The following KIAA2012 variants were observed in gnomAD, a reference collection of about 807,000 sequenced individuals.
KIAA2012 encodes KIAA2012, also known as uncharacterized protein KIAA2012.
In KIAA2012, 125 loss-of-function variants were observed where a neutral mutation model predicts 150.6. That is an observed-to-expected ratio of 0.83 (90% confidence interval 0.72 to 0.96). The LOEUF (loss-of-function observed/expected upper bound fraction) is 0.96, where lower values mean the gene tolerates loss of function less well. Ranked by LOEUF, KIAA2012 falls within the 40% of genes least tolerant of loss-of-function variation. The probability of loss-of-function intolerance (pLI) is 0.00; values close to 1 mark genes in which losing one functional copy is unlikely to be tolerated. For synonymous variants in KIAA2012, 462 were observed against 504.7 expected (o/e 0.92, Z 1.13); for missense variants, 1,219 against 1,354.9 (o/e 0.90, Z 1.57).
intron 2 of KIAA2012, among the ~76,000 whole-genome samples, chr2:202,081,098 C>G (rs1468776125): frequency 1.3e-5 from 2 of 152,190 alleles, no homozygotes; most frequent in African/African-American, 4.8e-5. Context: ...ACAGTTGTAT[C>G]CTTTGCGGCT....
intron 14 of KIAA2012, among the ~76,000 whole-genome samples, chr2:202,162,315 T>C (rs188282159): frequency 2.4e-3 from 372 of 152,190 alleles, no homozygotes; most frequent in African/African-American, 8.4e-3. Context: ...CACTCTGTCA[T>C]CCAGGCTGGA....
At chr2:202,101,890 T>C (rs535783204) in intron 7 of KIAA2012, among the ~76,000 whole-genome samples, 1 of 152,344 alleles carries the variant, frequency 6.6e-6, no homozygotes, top group South Asian at 2.1e-4. Context: ...AGGTTGCTTA[T>C]GTATGCTTCT....
chr2:202,196,492 G>A (rs1692418156), intron 21 of KIAA2012, among the ~76,000 whole-genome samples: 1 of 151,928 alleles, frequency 6.6e-6, no homozygotes, highest in Admixed American at 6.6e-5. Flanking sequence ...ACCACGCCCG[G>A]CCAGGAAGCA....
At chr2:202,184,090 T>C (rs1365725194) in intron 15 of KIAA2012, among the ~76,000 whole-genome samples, 1 of 152,138 alleles carries the variant, frequency 6.6e-6, no homozygotes, top group Non-Finnish European at 1.5e-5. Flanking sequence ...TTTTTCATGA[T>C]TAATAGTAAT....
In KIAA2012 at chr2:202,201,923, C is replaced by T. The variant is rs1054524801; in HGVS notation, c.3408-506C>T. On this transcript the variant is annotated intron_variant, in intron 22 of 23. Coordinates refer to ENST00000498697, the MANE Select transcript of KIAA2012 (RefSeq NM_001277372.4). ...GTCCGGTTCGTCTCGGCATCAGGGA[C>T]GGTTATCTTTTCCGTCCTCTTCCTG... The T allele has an allele frequency of 3.7e-5, 31 of 841,652 alleles. No individual in the cohort carries two copies. In the East Asian group the frequency reaches 5.9e-4, roughly 16 times the overall value. 52.1% of individuals were successfully genotyped at this position (841,652 alleles called of 1,614,324 possible).
chr2:202,204,363 C>T (rs533759592), intron 23 of KIAA2012, among the ~76,000 whole-genome samples: 9 of 152,262 alleles, frequency 5.9e-5, no homozygotes, highest in East Asian at 3.9e-4. Context: ...AGGCATGAGC[C>T]GCTGTGCCTG....
chr2:202,090,632 G>A (rs371549819), intron 2 of KIAA2012, 138 bp from the exon 3 acceptor site: 9 of 921,748 alleles, frequency 9.8e-6, no homozygotes, highest in South Asian at 2.7e-5. Flanking sequence ...TCTATTAGCC[G>A]AGGCATCTGT....
chr2:202,177,298 A>G (rs1018927193), intron 15 of KIAA2012, among the ~76,000 whole-genome samples: 2 of 152,220 alleles, frequency 1.3e-5, no homozygotes, highest in African/African-American at 4.8e-5. Flanking sequence ...ATATAAAAAT[A>G]TATATGAGGA....
intron 15 of KIAA2012, among the ~76,000 whole-genome samples, chr2:202,175,944 T>C (rs10166356): frequency 6.6e-6 from 1 of 152,014 alleles, no homozygotes; most frequent in Admixed American, 6.5e-5. Context: ...GGAAACTTGA[T>C]ATATGGCAAT....
chr2:202,123,601 C>T (rs1575024272), intron 11 of KIAA2012, among the ~76,000 whole-genome samples: 1 of 152,110 alleles, frequency 6.6e-6, no homozygotes, highest in Non-Finnish European at 1.5e-5. Flanking sequence ...CAAGCCCCAC[C>T]GCAGTTTAGC....
At chr2:202,167,685 T>A (rs1368817004) in intron 15 of KIAA2012, among the ~76,000 whole-genome samples, 1 of 151,708 alleles carries the variant, frequency 6.6e-6, no homozygotes, top group East Asian at 1.9e-4. Context: ...CTCTAAAAAT[T>A]TTTTTTTAAT....
intron 8 of KIAA2012, 145 bp downstream of exon 8, chr2:202,103,259 T>C: frequency 3.7e-6 from 3 of 814,946 alleles, no homozygotes; most frequent in Non-Finnish European, 5.7e-6. Context: ...AAGGATAAAA[T>C]CTAGAAGAAG....
chr2:202,125,935 CTTTTTTTTT>C (rs571686717), intron 12 of KIAA2012: 3,132 of 136,660 alleles, frequency 0.023, 22 homozygotes, highest in Middle Eastern at 0.038. Flanking sequence ...TTCCTGGCTG[CTTTTTTTTT>C]TTTTTTTTTT....
chr2:202,075,065 G>T lies in KIAA2012; in HGVS notation c.259G>T (p.Glu87Ter). 2 of 1,550,566 alleles carry T rather than the reference G, an allele frequency of 1.3e-6. No individual in the cohort carries two copies. Among genetic ancestry groups the T allele is most frequent in the Non-Finnish European group, 1.7e-6 (2 of 1,146,974 alleles). ...TGCCATTTCGGCATGGACACCCAAAGAGAGGAGAAAAGGCCCCTACTGCCC... is the reference window on the plus strand; with the variant it reads ...TGCCATTTCGGCATGGACACCCAAATAGAGGAGAAAAGGCCCCTACTGCCC... ...GFAISAWTPK[E>*]RRKGPYCPRG... Residue 87 changes from glutamate to a stop codon, truncating the protein, a stop_gained, in exon 2 of 24, where the codon GAG (glutamate) becomes TAG (stop). Transcript: ENST00000498697. LOFTEE classifies it high-confidence loss of function.
chr2:202,112,482 G>A (rs1336284599), intron 10 of KIAA2012, among the ~76,000 whole-genome samples: 2 of 152,226 alleles, frequency 1.3e-5, no homozygotes, highest in Non-Finnish European at 2.9e-5. Flanking sequence ...TTGAACCCAA[G>A]GAGAGGGAGG....
At chr2:202,081,521 C>T (rs1333120385) in intron 2 of KIAA2012, among the ~76,000 whole-genome samples, 1 of 149,054 alleles carries the variant, frequency 6.7e-6, no homozygotes, top group Non-Finnish European at 1.5e-5. Flanking sequence ...ACACTTGTTA[C>T]TTTCTGTTTT....
At chr2:202,119,750 C>T (rs1051444269) in intron 11 of KIAA2012, among the ~76,000 whole-genome samples, 2 of 152,108 alleles carry the variant, frequency 1.3e-5, no homozygotes, top group African/African-American at 4.8e-5. Flanking sequence ...TGCCTATAAT[C>T]CCAGCACTTT....
chr2:202,160,343 T>C (rs570598297), intron 14 of KIAA2012, among the ~76,000 whole-genome samples: 1 of 147,160 alleles, frequency 6.8e-6, no homozygotes, highest in East Asian at 2.0e-4. Flanking sequence ...AGATGGAGTC[T>C]CGCTCTGTCA....
chr2:202,074,772 T>C (rs886343385), intron 1 of KIAA2012, 119 bp from the exon 2 acceptor site: 2 of 1,017,294 alleles, frequency 2.0e-6, no homozygotes, highest in South Asian at 1.7e-5. Flanking sequence ...CATAACACCA[T>C]GTGAACAGTT....
Sources: gnomAD v4.1 joint callset for allele counts (sites outside exome capture counted in the v4.1 genomes callset) on GRCh38, gnomAD v4.1.1 for gene constraint, MANE v1.5 for transcripts, NCBI Gene and HGNC (gene_info 2026-07-23, HGNC 2026-07-21) for gene names.